Variants in CRKL observed in about 807,000 individuals in gnomAD.
The protein encoded by CRKL is crk-like protein.
A neutral mutation model predicts 23.0 loss-of-function variants in CRKL; 3 were observed. The observed-to-expected ratio is 0.13, with a 90% CI of 0.06 to 0.34. CRKL has a LOEUF of 0.34. Ranked by LOEUF, CRKL falls within the 10% of genes least tolerant of loss-of-function variation. CRKL has a pLI of 1.00. For missense variants in CRKL, 256 were observed against 394.5 expected (o/e 0.65, Z 2.97); for synonymous variants, 188 against 160.7 (o/e 1.17, Z -1.28).
intron 1 of CRKL, among the ~76,000 whole-genome samples, chr22:20,928,828 AAAAAAAAAAG>A (rs1357597015): frequency 2.0e-5 from 3 of 151,756 alleles, no homozygotes; most frequent in Non-Finnish European, 4.4e-5. Flanking sequence ...AAAAAAAAAA[AAAAAAAAAAG>A]GAATATTACC....
chr22:20,918,275 G>A (rs1335762567), intron 1 of CRKL, 30 bp downstream of exon 1: 1 of 1,606,772 alleles, frequency 6.2e-7, no homozygotes, highest in Non-Finnish European at 8.5e-7. Flanking sequence ...GACCGCGGAG[G>A]AAGGTCGAGA....
intron 1 of CRKL, among the ~76,000 whole-genome samples, chr22:20,920,290 C>G (rs1241482158): frequency 6.6e-6 from 1 of 152,084 alleles, no homozygotes; most frequent in Non-Finnish European, 1.5e-5. Context: ...ATCACGAGGT[C>G]AGGAGTTCAA....
At chr22:20,942,768 C>T (rs1247288094) in intron 2 of CRKL, among the ~76,000 whole-genome samples, 5 of 152,016 alleles carry the variant, frequency 3.3e-5, no homozygotes, top group Non-Finnish European at 7.4e-5. Flanking sequence ...ATTATAGGCA[C>T]GTGCCACCAC....
rs770889039 is a variant in CRKL, at chr22:20,934,254, G to A, written c.777+10G>A. 1.3e-6 allele frequency: 2 copies of A among 1,596,258 alleles called. No individual in the cohort carries two copies. Among genetic ancestry groups the A allele is most frequent in the Non-Finnish European group, 1.7e-6 (2 of 1,169,178 alleles). On this transcript the variant is annotated intron_variant, in intron 2 of 2. Coordinates refer to ENST00000354336, the MANE Select transcript of CRKL (RefSeq NM_005207.4). ...TGCCTTGGCATTAGAGGTAAAATCT[G>A]TTCAGATTAGCTTTTTGGGTCCTTT... is the stretch of plus-strand genomic sequence containing the variant.
rs2147905768 is a variant in CRKL at position 20,934,152 on chromosome 22, C to T, written c.685C>T (p.Pro229Ser). 1 of 1,614,202 alleles carries T rather than the reference C, an allele frequency of 6.2e-7. No individual in the cohort carries two copies. The highest frequency in any genetic ancestry group is 8.5e-7 in the Non-Finnish European group (1 of 1,180,042). ...VSGSPGAAIT[P>S]LPSTQNGPVF... The stretch of plus-strand genomic sequence containing the variant: ...CGGTTCTCCTGGGGCAGCAATCACC[C>T]CTTTGCCATCCACACAGAATGGACC... The change falls in exon 2 of 3, where the codon CCT (proline) becomes TCT (serine). Residue 229 changes from proline to serine, a missense_variant. Pro to Ser is a moderately conservative substitution (Grantham distance 74). Around this residue, in one of 3 missense-constraint regions of CRKL, gnomAD observed 129 missense variants for 222.1 expected, o/e 0.58. Coordinates refer to ENST00000354336, the MANE Select transcript of CRKL (RefSeq NM_005207.4).
At position 20,933,765 on chromosome 22, in the gene CRKL, C is replaced by T. The variant is rs1216979565; in HGVS notation, c.312-14C>T. 1.3e-6 allele frequency: 2 copies of T among 1,583,332 alleles called. No individual in the cohort carries two copies. The highest frequency in any genetic ancestry group is 3.6e-5 in the Admixed American group (2 of 55,416). ...AAGATTTTTCTCTTAGAGTAATTTT[C>T]TTTCTCTCTTAAGGTATCCAAGCCC... is the stretch of plus-strand genomic sequence containing the variant. On this transcript the variant is annotated splice_polypyrimidine_tract_variant and intron_variant, in intron 1 of 2. Transcript: ENST00000354336.
At chr22:20,944,199 G>A (rs1210139584) in intron 2 of CRKL, among the ~76,000 whole-genome samples, 2 of 138,292 alleles carry the variant, frequency 1.4e-5, no homozygotes, top group South Asian at 2.3e-4. Context: ...ATGTTGCCCA[G>A]ACTGGTCTCA....
chr22:20,947,212 C>CTGCTT, intron 2 of CRKL, among the ~76,000 whole-genome samples: 1 of 151,236 alleles, frequency 6.6e-6, no homozygotes, highest in Middle Eastern at 3.4e-3. Flanking sequence ...CTGCCACTTG[C>CTGCTT]TGCTTTTATG....
intron 1 of CRKL, among the ~76,000 whole-genome samples, chr22:20,919,594 C>A (rs1363493242): frequency 6.6e-6 from 1 of 152,156 alleles, no homozygotes; most frequent in Non-Finnish European, 1.5e-5. Flanking sequence ...CTGATTTTAT[C>A]AGAGGTTTCT....
intron 2 of CRKL, among the ~76,000 whole-genome samples, chr22:20,938,370 G>A (rs1355801217): frequency 6.6e-6 from 1 of 152,166 alleles, no homozygotes; most frequent in Non-Finnish European, 1.5e-5. Context: ...AGTTGATCCT[G>A]AGATTTGATT....
At chr22:20,934,411 A>G (rs1366872249) in intron 2 of CRKL, among the ~76,000 whole-genome samples, 167 bp downstream of exon 2, 1 of 152,130 alleles carries the variant, frequency 6.6e-6, no homozygotes, top group Non-Finnish European at 1.5e-5. Flanking sequence ...TTTTATAGAG[A>G]CGAGGTCTCT....
intron 2 of CRKL, among the ~76,000 whole-genome samples, chr22:20,946,256 G>A (rs1017947837): frequency 2.0e-5 from 3 of 152,184 alleles, no homozygotes; most frequent in Admixed American, 6.5e-5. Flanking sequence ...TTTGAATCAA[G>A]TGCCAGATGC....
chr22:20,950,811 G>GT lies in CRKL; in HGVS notation c.*967dup, dbSNP rs761951740. 1 of 229,346 alleles carries GT rather than the reference G, an allele frequency of 4.4e-6. No individual in the cohort carries two copies. The highest frequency in any genetic ancestry group is 8.6e-6 in the Non-Finnish European group (1 of 115,638). The allele number at this position is 229,346 out of a possible 1,614,324, so 14.2% of individuals were successfully genotyped here. ...TCTGAGCTTCTAAACTGAAGCTGCTGTAACTAAAGGAATCTGAAAAGAACA... is the reference window on the plus strand; with the variant it reads ...TCTGAGCTTCTAAACTGAAGCTGCTGTTAACTAAAGGAATCTGAAAAGAACA... On this transcript the variant is annotated 3_prime_UTR_variant, in exon 3 of 3. Transcript: ENST00000354336.
At chr22:20,928,233 G>A (rs1019266306) in intron 1 of CRKL, among the ~76,000 whole-genome samples, 2 of 151,930 alleles carry the variant, frequency 1.3e-5, no homozygotes, top group African/African-American at 4.8e-5. Context: ...GAGGTAGGAG[G>A]ATTGCTTGAG....
chr22:20,936,941 A>C (rs1921681223), intron 2 of CRKL, among the ~76,000 whole-genome samples: 1 of 151,386 alleles, frequency 6.6e-6, no homozygotes, highest in African/African-American at 2.4e-5. Flanking sequence ...GCTCACTGCA[A>C]CCTCTGCCTC....
chr22:20,941,558 G>A (rs1921875755), intron 2 of CRKL, among the ~76,000 whole-genome samples: 2 of 39,490 alleles, frequency 5.1e-5, no homozygotes, highest in Admixed American at 2.9e-4. Flanking sequence ...GTGTGTGTGT[G>A]TGTGTGTGTG....
chr22:20,945,342 T>TA (rs1265580923), intron 2 of CRKL, among the ~76,000 whole-genome samples: 5 of 152,140 alleles, frequency 3.3e-5, no homozygotes, highest in Admixed American at 6.6e-5. Context: ...ACGCAACTGA[T>TA]ATCTATGTGT....
Position 20,949,705 on chromosome 22 carries a change from A to C in CRKL, c.778-6A>C. On this transcript the variant is annotated splice_polypyrimidine_tract_variant and splice_region_variant and intron_variant, in intron 2 of 2. Transcript: ENST00000354336. ...AATGCTAACTTTGTCTTCTTCATCC[A>C]TACAGGTTGGTGACATCGTGAAAGT... 6.2e-7 allele frequency: 1 copy of C among 1,610,794 alleles called. No individual in the cohort carries two copies. Among genetic ancestry groups the C allele is most frequent in the Non-Finnish European group, 8.5e-7 (1 of 1,179,098 alleles).
rs192653216 is a variant in CRKL at position 20,930,905 on chromosome 22, A to G, written c.312-2874A>G. On this transcript the variant is annotated intron_variant, in intron 1 of 2. Transcript: ENST00000354336. ...CACCGTGTTAGCCAGGATGGTCTCA[A>G]TCTCCTGACCTTGTGATCCGTCCAC... Among the ~76,000 whole-genome samples the G allele has an allele frequency of 5.5e-3, 808 of 148,102 alleles. 26 individuals are homozygous for G. The highest frequency in any genetic ancestry group is 2.5e-3 in the Non-Finnish European group (167 of 67,100).
Sources: allele counts gnomAD v4.1 joint callset (sites outside exome capture counted in the v4.1 genomes callset), GRCh38; gene constraint gnomAD v4.1.1; regional missense constraint gnomAD v4.1.1; transcripts MANE v1.5; gene names NCBI Gene and HGNC (gene_info 2026-07-23, HGNC 2026-07-21).